The following COL4A2 variants were observed in gnomAD, a reference collection of about 807,000 sequenced individuals.
COL4A2 encodes collagen alpha-2(IV) chain.
Under a neutral mutation model 200.2 loss-of-function variants are expected in COL4A2, and 99 were observed. The ratio of observed to expected loss-of-function variants is 0.49; its 90% CI spans 0.42 to 0.58. The LOEUF is 0.58. Ranked by LOEUF, COL4A2 falls within the 20% of genes least tolerant of loss-of-function variation. COL4A2 has a pLI of 0.00. For missense variants in COL4A2, 1,950 were observed against 2,314.1 expected (o/e 0.84, Z 3.23); for synonymous variants, 897 against 900.6 (o/e 1.00, Z 0.07).
Position 110,512,405 on chromosome 13 carries a change from C to A in COL4A2, c.*214C>A. The A allele has an allele frequency of 1.3e-6, 1 of 780,374 alleles. No individual in the cohort carries two copies. Among genetic ancestry groups the A allele is most frequent in the Non-Finnish European group, 2.0e-6 (1 of 506,882 alleles). The allele number at this position is 780,374 out of a possible 1,614,324, so 48.3% of individuals were successfully genotyped here. On this transcript the variant is annotated 3_prime_UTR_variant, in exon 48 of 48. Transcript: ENST00000360467. ...GAGGGCAAGCCCTGCCCACAGAAAG[C>A]CAGGAGCAGCCCTGGCCCCCATCAG...
chr13:110,485,072 C>A, intron 33 of COL4A2, 45 bp downstream of exon 33: 2 of 1,506,346 alleles, frequency 1.3e-6, no homozygotes, highest in Non-Finnish European at 1.8e-6. Context: ...TCCCTGCCGC[C>A]CCAGCCCGCA....
intron 20 of COL4A2, 120 bp downstream of exon 20, chr13:110,450,574 TGATTAGGGTGCAGTGGATCCAGGTA>T (rs1881503059): frequency 8.4e-7 from 1 of 1,185,908 alleles, no homozygotes; most frequent in Non-Finnish European, 1.2e-6. Context: ...AGTAGGCCAG[TGATTAGGGTGCAGTGGATCCAGGTA>T]GATTAGGGTG....
chr13:110,397,820 C>T (rs950332054), intron 4 of COL4A2, among the ~76,000 whole-genome samples: 2 of 152,182 alleles, frequency 1.3e-5, no homozygotes, highest in Admixed American at 1.3e-4. Context: ...AAGGCTTTTA[C>T]ACCATATTTT....
intron 30 of COL4A2, among the ~76,000 whole-genome samples, chr13:110,479,239 T>C (rs935237847): frequency 1.3e-5 from 2 of 151,766 alleles, no homozygotes; most frequent in African/African-American, 2.4e-5. Context: ...AACTAAAGCC[T>C]ACACTTTAGG....
intron 4 of COL4A2, among the ~76,000 whole-genome samples, chr13:110,374,556 C>T (rs1214598733): frequency 1.3e-5 from 2 of 152,202 alleles, no homozygotes; most frequent in South Asian, 2.1e-4. Context: ...CATCTGTTTG[C>T]GTTTATCCTA....
At chr13:110,425,297 T>C (rs1172223997) in intron 6 of COL4A2, among the ~76,000 whole-genome samples, 1 of 152,200 alleles carries the variant, frequency 6.6e-6, no homozygotes, top group African/African-American at 2.4e-5. Context: ...GCCAGTCTTG[T>C]GATCTCGTTC....
chr13:110,332,729 A>G (rs561516487), intron 3 of COL4A2, among the ~76,000 whole-genome samples: 2 of 152,342 alleles, frequency 1.3e-5, no homozygotes, highest in South Asian at 4.1e-4. Flanking sequence ...TGCCATCCTT[A>G]AAAACTCTGT....
chr13:110,482,788 AAAAC>A, intron 32 of COL4A2, 129 bp downstream of exon 32: 1 of 922,146 alleles, frequency 1.1e-6, no homozygotes, highest in Non-Finnish European at 1.6e-6. Flanking sequence ...AAAGCTAGAC[AAAAC>A]AAACAAAATG....
At chr13:110,489,572 C>A in intron 35 of COL4A2, 64 bp downstream of exon 35, 1 of 1,595,902 alleles carries the variant, frequency 6.3e-7, no homozygotes, top group Non-Finnish European at 8.6e-7. Context: ...AGCATGTGAG[C>A]CAATTTCAGA....
At chr13:110,440,351 C>T (rs548255616) in intron 16 of COL4A2, among the ~76,000 whole-genome samples, 1 of 152,156 alleles carries the variant, frequency 6.6e-6, no homozygotes, top group South Asian at 2.1e-4. Flanking sequence ...AATCCCAGGA[C>T]TTTGGGAGGC....
rs1264743468 is a variant in COL4A2, at chr13:110,307,334, A to G, written c.-239A>G. ...ACCAGGGCTCCGCGCTCCGCACTCAAGAGGCTCCCGCGTCCCAACCCCTCG... is the reference window on the plus strand; with the variant it reads ...ACCAGGGCTCCGCGCTCCGCACTCAGGAGGCTCCCGCGTCCCAACCCCTCG... On this transcript the variant is annotated 5_prime_UTR_variant, in exon 1 of 48. Transcript: ENST00000360467. The surrounding 1 kb of genome is among the most constrained non-coding windows in gnomAD (Gnocchi z 5.0). 9.7e-6 allele frequency: 3 copies of G among 310,488 alleles called. No individual in the cohort carries two copies. Among genetic ancestry groups the G allele is most frequent in the Non-Finnish European group, 1.8e-5 (3 of 170,460 alleles). The allele number at this position is 310,488 out of a possible 1,614,324, so 19.2% of individuals were successfully genotyped here.
intron 12 of COL4A2, 60 bp downstream of exon 12, chr13:110,434,502 A>G: frequency 6.6e-7 from 1 of 1,526,134 alleles, no homozygotes; most frequent in Non-Finnish European, 9.0e-7. Flanking sequence ...CAGGAAATAA[A>G]TCATTTTAAT....
At chr13:110,494,139 C>A (rs958002990) in intron 39 of COL4A2, among the ~76,000 whole-genome samples, 1 of 152,202 alleles carries the variant, frequency 6.6e-6, no homozygotes, top group Non-Finnish European at 1.5e-5. Context: ...CTGTAGCACA[C>A]ATTTTTCCCT....
At position 110,508,341 on chromosome 13, in the gene COL4A2, A is replaced by T; in HGVS notation, c.4881+120A>T. 6.7e-7 allele frequency: 1 copy of T among 1,493,138 alleles called. No homozygotes were observed. The highest frequency in any genetic ancestry group is 9.1e-7 in the Non-Finnish European group (1 of 1,101,748). The allele number at this position is 1,493,138 out of a possible 1,614,324, so 92.5% of individuals were successfully genotyped here. A position where few individuals can be genotyped will look rare whatever the true frequency, so the allele number is the denominator to read the frequency against. ...TCCAGGGTGTGCACTGCACAAGGGT[A>T]GTTGGCCCAGGAAGCGAGCGAGAGC... On this transcript the variant is annotated intron_variant, in intron 47 of 47. Coordinates refer to ENST00000360467, the MANE Select transcript of COL4A2 (RefSeq NM_001846.4). The surrounding 1 kb of genome is among the most constrained non-coding windows in gnomAD (Gnocchi z 6.1).
chr13:110,348,811 A>G (rs781738092), intron 3 of COL4A2, among the ~76,000 whole-genome samples: 12 of 152,206 alleles, frequency 7.9e-5, no homozygotes, highest in East Asian at 1.9e-4. Context: ...GCACAATCCA[A>G]TCGTCAGCTA....
intron 28 of COL4A2, among the ~76,000 whole-genome samples, chr13:110,469,904 G>A (rs1049530523): frequency 1.8e-5 from 1 of 55,668 alleles, no homozygotes; most frequent in Non-Finnish European, 3.5e-5. Flanking sequence ...GGGCATACAC[G>A]TCTTTTTTTT....
Position 110,462,301 on chromosome 13 carries a change from C to A in COL4A2, c.1693C>A (p.Pro565Thr), listed in dbSNP as rs1187520506. The change falls in exon 24 of 48, where the codon CCA becomes ACA. Residue 565 changes from proline to threonine, a missense_variant. Physicochemically the swap from Pro to Thr is conservative, Grantham distance 38. This residue lies in a region of COL4A2 where 1,385 missense variants were observed against 1,720.5 expected (regional missense o/e 0.80). Transcript: ENST00000360467. ...AGGTGAGCGGGGACAGCCCGGCGTC[C>A]CAGGTGTGCCCGGGATGAAAGGTGA... ...TKGERGQPGV[P>T]GVPGMKGDDG... is the part of the protein sequence containing the mutation. 1 of 1,614,224 alleles carries A rather than the reference C, an allele frequency of 6.2e-7. No individual in the cohort carries two copies. The highest frequency in any genetic ancestry group is 1.7e-5 in the Admixed American group (1 of 60,032).
intron 25 of COL4A2, 35 bp downstream of exon 25, chr13:110,465,641 C>T: frequency 6.6e-7 from 1 of 1,526,600 alleles, no homozygotes; most frequent in South Asian, 1.2e-5. Flanking sequence ...CTTTCACAGT[C>T]CTGAGACATT....
At chr13:110,336,296 C>T (rs1876184756) in intron 3 of COL4A2, among the ~76,000 whole-genome samples, 1 of 152,042 alleles carries the variant, frequency 6.6e-6, no homozygotes, top group Non-Finnish European at 1.5e-5. Context: ...ATCATAATGG[C>T]GCTGCACTCG....
Sources: allele counts gnomAD v4.1 joint callset (sites outside exome capture counted in the v4.1 genomes callset), GRCh38; gene constraint gnomAD v4.1.1; regional missense constraint gnomAD v4.1.1; non-coding constraint Gnocchi (gnomAD v3.1); transcripts MANE v1.5; gene names NCBI Gene and HGNC (gene_info 2026-07-23, HGNC 2026-07-21).